RANBP2: variants seen among roughly 807,000 people sequenced by gnomAD.
RANBP2 encodes E3 SUMO-protein ligase RanBP2.
A neutral mutation model predicts 303.6 loss-of-function variants in RANBP2; 57 were observed. The observed-to-expected ratio is 0.19, with a 90% CI of 0.15 to 0.23. The LOEUF is 0.23. Among genes scored for constraint, RANBP2 ranks in the 10% least tolerant of loss-of-function variants. The probability of loss-of-function intolerance (pLI) is 1.00; values close to 1 mark genes in which losing one functional copy is unlikely to be tolerated. For synonymous variants in RANBP2, 1,167 were observed against 1,301.5 expected (o/e 0.90, Z 2.23); for missense variants, 3,138 against 3,780.8 (o/e 0.83, Z 4.46).
the RANBP2 span, among the ~76,000 whole-genome samples, chr2:109,337,560 G>T: frequency 6.6e-6 from 1 of 152,200 alleles, no homozygotes; most frequent in Non-Finnish European, 1.5e-5. Flanking sequence ...CTGCCCAAGA[G>T]GTCTGTGGAG....
the RANBP2 span, among the ~76,000 whole-genome samples, chr2:109,591,286 A>T: frequency 6.6e-6 from 1 of 152,162 alleles, no homozygotes. Flanking sequence ...GGCCTCTAGG[A>T]TCCCTTCTAG....
the RANBP2 span, among the ~76,000 whole-genome samples, chr2:109,577,014 T>C: frequency 6.6e-6 from 1 of 151,538 alleles, no homozygotes; most frequent in Non-Finnish European, 1.5e-5. Context: ...AAATTAGAAA[T>C]AATAAAAACC....
chr2:109,068,397 C>T, the RANBP2 span, among the ~76,000 whole-genome samples: 47 of 152,276 alleles, frequency 3.1e-4, no homozygotes, highest in African/African-American at 1.1e-3. Context: ...TTGAGAAACC[C>T]GCATCCAGAC....
chr2:109,197,563 G>A, the RANBP2 span, among the ~76,000 whole-genome samples: 4 of 152,238 alleles, frequency 2.6e-5, no homozygotes, highest in Non-Finnish European at 5.9e-5. Context: ...TGGCCGGGGA[G>A]GGGTGGGAGG....
chr2:109,766,873 A>G, the RANBP2 span, among the ~76,000 whole-genome samples: 1 of 149,974 alleles, frequency 6.7e-6, no homozygotes, highest in Non-Finnish European at 1.5e-5. Flanking sequence ...ATATCATTTA[A>G]TGGTAACATA....
rs1337166939 is a variant in RANBP2 at position 108,766,448 on chromosome 2, G to T, written c.5909G>T (p.Gly1970Val). The change falls in exon 20 of 29, where the codon GGA becomes GTA. Residue 1970 changes from glycine to valine, a missense_variant. Transcript: ENST00000283195. ...QFGKKDPNFK[G>V]FSGAGEKLFS... ...GGCAAAAAAGACCCCAATTTCAAGG[G>T]ATTTTCAGGTGCTGGAGAAAAATTA... is the stretch of plus-strand genomic sequence containing the variant. 4 of 1,611,908 alleles carry T rather than the reference G, an allele frequency of 2.5e-6. No individual in the cohort carries two copies. The highest frequency in any genetic ancestry group is 3.4e-6 in the Non-Finnish European group (4 of 1,179,840).
intron 12 of RANBP2, among the ~76,000 whole-genome samples, chr2:108,752,783 ACT>A (rs1166908976): frequency 2.0e-5 from 3 of 151,050 alleles, no homozygotes; most frequent in South Asian, 4.2e-4. Context: ...ACAGAGCAAG[ACT>A]CTGTCTCAAA....
At chr2:109,036,095 T>TA in the RANBP2 span, among the ~76,000 whole-genome samples, 26 of 151,832 alleles carry the variant, frequency 1.7e-4, no homozygotes, top group Non-Finnish European at 3.8e-4. Flanking sequence ...AAAGAAAACT[T>TA]AAGAGAACTT....
chr2:109,564,295 C>G, the RANBP2 span: 1 of 1,347,686 alleles, frequency 7.4e-7, no homozygotes, highest in Non-Finnish European at 9.8e-7. Context: ...GCCCCATCAT[C>G]CTGGATATAT....
At chr2:108,957,486 GCC>G in the RANBP2 span, among the ~76,000 whole-genome samples, 1 of 152,164 alleles carries the variant, frequency 6.6e-6, no homozygotes, top group African/African-American at 2.4e-5. Flanking sequence ...GCTCATGGAG[GCC>G]CCCCAGGGGG....
chr2:108,809,411 G>T, the RANBP2 span, among the ~76,000 whole-genome samples: 1 of 150,690 alleles, frequency 6.6e-6, no homozygotes, highest in South Asian at 2.1e-4. Flanking sequence ...TGGTTATTTT[G>T]ACAGTATTAA....
intron 23 of RANBP2, among the ~76,000 whole-genome samples, chr2:108,773,384 C>T (rs1227598330): frequency 6.6e-6 from 1 of 151,966 alleles, no homozygotes; most frequent in Non-Finnish European, 1.5e-5. Flanking sequence ...ATGTTCTTAC[C>T]AAATAATAAT....
At chr2:109,078,108 A>AGCG in the RANBP2 span, among the ~76,000 whole-genome samples, 3 of 89,858 alleles carry the variant, frequency 3.3e-5, 1 homozygote, top group East Asian at 2.7e-3. Context: ...ATATATATAT[A>AGCG]TATATATATA....
chr2:109,449,404 A>G, the RANBP2 span: 1 of 1,613,400 alleles, frequency 6.2e-7, no homozygotes, highest in Non-Finnish European at 8.5e-7. Context: ...CTCAACGGGG[A>G]GGCTGGAGGG....
the RANBP2 span, among the ~76,000 whole-genome samples, chr2:109,580,806 T>A: frequency 6.6e-6 from 1 of 152,370 alleles, no homozygotes; most frequent in African/African-American, 2.4e-5. Flanking sequence ...CCCTCTTTTA[T>A]GAGCCCTACC....
At chr2:109,392,045 G>C in the RANBP2 span, among the ~76,000 whole-genome samples, 1 of 151,978 alleles carries the variant, frequency 6.6e-6, no homozygotes, top group Non-Finnish European at 1.5e-5. Flanking sequence ...CGAACTCCTG[G>C]ACTCAAGCAG....
At chr2:109,003,231 A>G in the RANBP2 span, among the ~76,000 whole-genome samples, 1 of 146,134 alleles carries the variant, frequency 6.8e-6, no homozygotes, top group African/African-American at 2.5e-5. Context: ...AAAAAAAAAG[A>G]TGCCAGCAAA....
At chr2:108,912,584 T>C in the RANBP2 span, 1 of 1,222,982 alleles carries the variant, frequency 8.2e-7, no homozygotes, top group Non-Finnish European at 1.2e-6. Flanking sequence ...AAGCGCACCA[T>C]AATCATCACT....
chr2:109,345,735 C>G, the RANBP2 span, among the ~76,000 whole-genome samples: 1 of 152,168 alleles, frequency 6.6e-6, no homozygotes, highest in African/African-American at 2.4e-5. Flanking sequence ...AGACTAAGTT[C>G]TATTAGAACA....
Sources: allele counts gnomAD v4.1 joint callset (sites outside exome capture counted in the v4.1 genomes callset), GRCh38; gene constraint gnomAD v4.1.1; transcripts MANE v1.5; gene names NCBI Gene and HGNC (gene_info 2026-07-23, HGNC 2026-07-21).